Variants in ROBO1 observed in about 807,000 individuals in gnomAD.
The protein encoded by ROBO1 is roundabout homolog 1.
A neutral mutation model predicts 195.9 loss-of-function variants in ROBO1; 149 were observed. The ratio of observed to expected loss-of-function variants is 0.76; its 90% confidence interval spans 0.67 to 0.87. The LOEUF is 0.87. ROBO1 is among the 40% of genes least tolerant of loss of function. The pLI, the probability that ROBO1 is intolerant of heterozygous loss-of-function variation, is 0.00. For synonymous variants in ROBO1, 816 were observed against 733.2 expected, an observed-to-expected ratio of 1.11 and a Z score of -1.82; for missense variants, 1,933 against 2,068.3, an observed-to-expected ratio of 0.93 and a Z score of 1.27.
chr3:78,662,456 T>C (rs930747359), intron 14 of ROBO1, among the ~76,000 whole-genome samples: 3 of 152,108 alleles, frequency 2.0e-5, no homozygotes, highest in Non-Finnish European at 4.4e-5. Context: ...CTAGGGCAAT[T>C]CCCTGAGTTT....
intron 1 of ROBO1, among the ~76,000 whole-genome samples, chr3:79,664,491 C>T (rs1266030609): frequency 1.3e-5 from 2 of 152,036 alleles, no homozygotes; most frequent in Non-Finnish European, 2.9e-5. Context: ...TCTTCCCCTC[C>T]TAACTTAATG....
At chr3:79,203,443 A>G (rs749640148) in intron 2 of ROBO1, among the ~76,000 whole-genome samples, 2 of 152,220 alleles carry the variant, frequency 1.3e-5, no homozygotes, top group Non-Finnish European at 2.9e-5. Context: ...TGTTAAACAG[A>G]TAACTCAAAA....
Position 78,688,650 on chromosome 3 carries a change from G to T in ROBO1, c.1168C>A (p.Gln390Lys). The change falls in exon 9 of 31, where the codon CAG (glutamine) becomes AAG (lysine). Residue 390 changes from glutamine to lysine, a missense_variant and splice_region_variant. Coordinates refer to ENST00000464233, the MANE Select transcript of ROBO1 (RefSeq NM_002941.4). Reference protein sequence around the residue: ...PAIFWRREGSQNLLFSYQPPQ... With the variant: ...PAIFWRREGSKNLLFSYQPPQ... ...AAAAAGTTAGAAAAAGGTGGTACCT[G>T]ACTCCCTTCTCTCCTCCAGAAAATA... 6.3e-7 allele frequency: 1 copy of T among 1,590,960 alleles called. No individual in the cohort carries two copies. The highest frequency in any genetic ancestry group is 1.2e-5 in the South Asian group (1 of 85,670).
chr3:79,191,312 A>T (rs10511123), intron 2 of ROBO1, among the ~76,000 whole-genome samples: 21,238 of 151,392 alleles, frequency 0.14, 2,448 homozygotes, highest in African/African-American at 0.32. Context: ...GTAAATTATC[A>T]GAGAAGTGAA....
chr3:78,829,966 G>T (rs1467632258), intron 4 of ROBO1, among the ~76,000 whole-genome samples: 1 of 152,108 alleles, frequency 6.6e-6, no homozygotes, highest in Non-Finnish European at 1.5e-5. Flanking sequence ...AAACTTATGG[G>T]TGAATTTTAC....
In ROBO1 at chr3:79,450,869, GA is replaced by G. The variant is rs568257278; in HGVS notation, c.88+138954del. On this transcript the variant is annotated intron_variant, in intron 2 of 30. Transcript: ENST00000464233. ...TTTTCACATTGCAGTAAGGGGAAAT[GA>G]AAATAGTAATTATTCAGTTCTGATT... Among the ~76,000 whole-genome samples the G allele has an allele frequency of 8.6e-3, 1,313 of 151,988 alleles. 7 individuals are homozygous for G. The highest frequency in any genetic ancestry group is 0.015 in the Non-Finnish European group (1,019 of 67,864).
chr3:79,587,147 TACCA>T (rs1190373960), intron 2 of ROBO1, among the ~76,000 whole-genome samples: 1 of 151,826 alleles, frequency 6.6e-6, no homozygotes, highest in East Asian at 1.9e-4. Context: ...CCTTCTCATA[TACCA>T]ACCATTTCAT....
At chr3:79,049,630 G>A (rs1048024066) in intron 3 of ROBO1, among the ~76,000 whole-genome samples, 2 of 152,080 alleles carry the variant, frequency 1.3e-5, no homozygotes, top group East Asian at 1.9e-4. Context: ...AAGAAAAAAT[G>A]TTAAGGGCAG....
intron 3 of ROBO1, among the ~76,000 whole-genome samples, chr3:79,100,084 C>T (rs2079648020): frequency 6.6e-6 from 1 of 151,694 alleles, no homozygotes; most frequent in Non-Finnish European, 1.5e-5. Context: ...GACAAAACTT[C>T]CTCTATGTTA....
intron 4 of ROBO1, among the ~76,000 whole-genome samples, chr3:78,761,728 C>T (rs1160309743): frequency 6.6e-6 from 1 of 152,110 alleles, no homozygotes; most frequent in East Asian, 1.9e-4. Flanking sequence ...ATTTTATCAA[C>T]TATTAAAGAG....
At chr3:78,711,348 C>CTCCTTTCTTCCT (rs1575992298) in intron 8 of ROBO1, among the ~76,000 whole-genome samples, 4 of 54,688 alleles carry the variant, frequency 7.3e-5, no homozygotes, top group East Asian at 7.8e-4. Context: ...TCCTTCCTTC[C>CTCCTTTCTTCCT]TCCTTCCTTC....
chr3:78,941,953 A>G (rs2040167317), intron 3 of ROBO1, among the ~76,000 whole-genome samples: 1 of 152,162 alleles, frequency 6.6e-6, no homozygotes, highest in Admixed American at 6.5e-5. Flanking sequence ...ATGAAACTGG[A>G]CCTAACAGGA....
Position 78,668,176 on chromosome 3 carries a change from T to C in ROBO1, c.1757A>G (p.Asn586Ser). 1 of 1,613,856 alleles carries C rather than the reference T, an allele frequency of 6.2e-7. No individual in the cohort carries two copies. The highest frequency in any genetic ancestry group is 8.5e-7 in the Non-Finnish European group (1 of 1,179,816). The change falls in exon 13 of 31, where the codon AAT becomes AGT. Residue 586 changes from asparagine (N) to serine (S), a missense_variant. Coordinates refer to ENST00000464233, the MANE Select transcript of ROBO1 (RefSeq NM_002941.4). ...ATAAGATGTTGGAGTTGCTCCTGAA[T>C]TCAAATTTGGTTGCCACGATAATGT... ...TVTLSWQPNL[N>S]SGATPTSYII...
At chr3:79,558,699 T>A (rs924566898) in intron 2 of ROBO1, among the ~76,000 whole-genome samples, 1 of 152,198 alleles carries the variant, frequency 6.6e-6, no homozygotes, top group Admixed American at 6.6e-5. Flanking sequence ...TATTCTGTTA[T>A]GAATGTTGTC....
intron 3 of ROBO1, among the ~76,000 whole-genome samples, chr3:79,108,594 G>A (rs1019050912): frequency 6.6e-6 from 1 of 151,720 alleles, no homozygotes; most frequent in Non-Finnish European, 1.5e-5. Context: ...AGAAATTTAA[G>A]ATAGAAACAA....
rs1327116795 is a variant in ROBO1, at chr3:78,651,743, C to T, written c.2801G>A (p.Gly934Asp). ...KRNGLTSTYA[G>D]IRKVPSFTFT... ...GGGAAAGCTAATACCTTTTCTGATA[C>T]CCGCGTAGGTACTAGTAAGTCCGTT... is the stretch of plus-strand genomic sequence containing the variant. The change falls in exon 19 of 31, where the codon GGT (glycine) becomes GAT (aspartate). Residue 934 changes from glycine to aspartate, a missense_variant. By Grantham distance (94) the Gly-to-Asp change is moderately conservative. Around this residue, in one of 3 missense-constraint regions of ROBO1, gnomAD observed 1,737 missense variants for 1,882.5 expected, o/e 0.92. Coordinates refer to ENST00000464233, the MANE Select transcript of ROBO1 (RefSeq NM_002941.4). 7 of 1,600,736 alleles carry T rather than the reference C, an allele frequency of 4.4e-6. No individual in the cohort carries two copies. The highest frequency in any genetic ancestry group is 1.7e-4 in the Middle Eastern group (1 of 6,018).
In ROBO1 at chr3:79,048,744, C is replaced by T. The variant is rs77778757; in HGVS notation, c.172+76712G>A. 8.2e-4 allele frequency among the ~76,000 whole-genome samples: 125 copies of T among 152,182 alleles called. 1 individual carries two copies. Among genetic ancestry groups the T allele is most frequent in the Non-Finnish European group, 1.7e-3 (115 of 67,998 alleles). ...AAATAGCAGCCTCCGCTGTTGAAAC[C>T]CAGGCAAACAGGGTCTGGAGGGGAC... On this transcript the variant is annotated intron_variant, in intron 3 of 30. Coordinates refer to ENST00000464233, the MANE Select transcript of ROBO1 (RefSeq NM_002941.4).
At chr3:79,464,259 T>C (rs933465487) in intron 2 of ROBO1, among the ~76,000 whole-genome samples, 1 of 152,238 alleles carries the variant, frequency 6.6e-6, no homozygotes, top group African/African-American at 2.4e-5. Flanking sequence ...TATTAACACA[T>C]ATTTTCGTTT....
chr3:79,533,068 T>G, intron 2 of ROBO1: 1 of 441,168 alleles, frequency 2.3e-6, no homozygotes, highest in Admixed American at 2.5e-5. Context: ...CGAATTTTAT[T>G]GTATTACAGA....
Sources: gnomAD v4.1 joint callset for allele counts (sites outside exome capture counted in the v4.1 genomes callset) on GRCh38, gnomAD v4.1.1 for gene constraint, gnomAD v4.1.1 regional missense constraint, MANE v1.5 for transcripts, NCBI Gene and HGNC (gene_info 2026-07-23, HGNC 2026-07-21) for gene names.